The following METTL15 variants were observed in gnomAD, a reference collection of about 807,000 sequenced individuals.
METTL15 encodes the protein 12S rRNA N(4)-cytidine methyltransferase METTL15.
A neutral mutation model predicts 38.3 loss-of-function variants in METTL15; 34 were observed. The observed-to-expected ratio is 0.89, with a 90% confidence interval of 0.68 to 1.18. METTL15 has a LOEUF of 1.18. Ranked by LOEUF, METTL15 falls within the 50% of genes most tolerant of loss-of-function variation. The probability of loss-of-function intolerance (pLI) is 0.00; values close to 1 mark genes in which losing one functional copy is unlikely to be tolerated. For missense variants in METTL15, 438 were observed against 498.4 expected, an observed-to-expected ratio of 0.88 and a Z score of 1.15; for synonymous variants, 162 against 170.9, an observed-to-expected ratio of 0.95 and a Z score of 0.41.
chr11:28,128,691 T>C (rs1389788135), intron 3 of METTL15, among the ~76,000 whole-genome samples: 3 of 152,188 alleles, frequency 2.0e-5, no homozygotes, highest in Non-Finnish European at 2.9e-5. Context: ...CTTTGTAGAA[T>C]TCAGGGATAT....
chr11:28,331,793 T>C lies in METTL15; in HGVS notation c.*952T>C, dbSNP rs962550728. On this transcript the variant is annotated 3_prime_UTR_variant, in exon 7 of 7. Transcript: ENST00000407364. ...GATTGATTCATAATTCACATGTCAA[T>C]TTTTTATAGTAATATGTACTTCTAA... The C allele has an allele frequency of 1.3e-5, 2 of 152,242 alleles. No homozygotes were observed. The highest frequency in any genetic ancestry group is 4.8e-5 in the African/African-American group (2 of 41,478). The allele number at this position is 152,242 out of a possible 1,614,324, so 9.4% of individuals were successfully genotyped here.
At chr11:28,237,261 T>G (rs558945248) in intron 4 of METTL15, among the ~76,000 whole-genome samples, 29 of 152,330 alleles carry the variant, frequency 1.9e-4, no homozygotes, top group African/African-American at 6.7e-4. Flanking sequence ...GATTTGGTCT[T>G]TTCACATAGT....
At chr11:28,230,921 G>T (rs1398978722) in intron 4 of METTL15, among the ~76,000 whole-genome samples, 1 of 151,762 alleles carries the variant, frequency 6.6e-6, no homozygotes, top group Non-Finnish European at 1.5e-5. Flanking sequence ...TCAAGATAAG[G>T]CCTCTGTACC....
chr11:28,500,510 C>A (rs995206443), intron 6 of METTL15, among the ~76,000 whole-genome samples: 3 of 151,714 alleles, frequency 2.0e-5, no homozygotes, highest in Non-Finnish European at 4.4e-5. Flanking sequence ...TGTGCATATG[C>A]AATGTGAGCA....
intron 5 of METTL15, among the ~76,000 whole-genome samples, chr11:28,385,073 T>G (rs1850426544): frequency 6.6e-6 from 1 of 152,202 alleles, no homozygotes; most frequent in Non-Finnish European, 1.5e-5. Context: ...TTTGCAAATA[T>G]TTTCTTCCAT....
intron 4 of METTL15, among the ~76,000 whole-genome samples, chr11:28,219,734 G>A (rs1302027756): frequency 1.3e-5 from 2 of 152,068 alleles, no homozygotes; most frequent in South Asian, 2.1e-4. Flanking sequence ...TGCTTTAAAT[G>A]TGTCCCATAG....
intron 6 of METTL15, among the ~76,000 whole-genome samples, chr11:28,429,172 T>G (rs1850889909): frequency 6.6e-6 from 1 of 152,172 alleles, no homozygotes; most frequent in South Asian, 2.1e-4. Context: ...CTCTTCTCAA[T>G]TTTATTTTGC....
chr11:28,310,334 G>T (rs1857229871), intron 6 of METTL15, among the ~76,000 whole-genome samples: 1 of 150,218 alleles, frequency 6.7e-6, no homozygotes, highest in African/African-American at 2.5e-5. Context: ...CTAGAAAATG[G>T]AGGAAATGTT....
At position 28,330,574 on chromosome 11, in the gene METTL15, C is replaced by G. The variant is rs1340618458; in HGVS notation, c.957C>G (p.Leu319=). 1.2e-5 allele frequency: 18 copies of G among 1,551,482 alleles called. No homozygotes were observed. Among genetic ancestry groups the G allele is most frequent in the Non-Finnish European group, 1.5e-5 (17 of 1,146,922 alleles). Residue 319 remains leucine, a synonymous_variant, in exon 7 of 7, where the codon CTC becomes CTG. Transcript: ENST00000407364. The part of the protein sequence containing the change: ...FLRPGGRLVA[L]SFHSLEDRIV... ...GACCTGGTGGTCGTCTTGTTGCCCTCTCCTTCCATTCACTAGAGGATCGCA... is the reference window on the plus strand; with the variant it reads ...GACCTGGTGGTCGTCTTGTTGCCCTGTCCTTCCATTCACTAGAGGATCGCA...
chr11:28,225,672 T>G (rs1352883960), intron 4 of METTL15, among the ~76,000 whole-genome samples: 2 of 151,908 alleles, frequency 1.3e-5, no homozygotes. Context: ...TACTAAAAAA[T>G]ATTACTGGTT....
chr11:28,245,711 G>A lies in METTL15; in HGVS notation c.407+34513G>A, dbSNP rs139056016. Among the ~76,000 whole-genome samples the A allele has an allele frequency of 1.4e-4, 22 of 152,216 alleles. No homozygotes were observed. In the East Asian group the frequency reaches 4.3e-3, roughly 29 times the overall value. On this transcript the variant is annotated intron_variant, in intron 4 of 6. Coordinates refer to ENST00000407364, the MANE Select transcript of METTL15 (RefSeq NM_001113528.2). ...GTTTCATTGACTATCAGTTCCATAG[G>A]CTGTATAGGTAGCATGGCTGGGGAT...
At chr11:28,217,750 G>A (rs980638412) in intron 4 of METTL15, among the ~76,000 whole-genome samples, 1 of 152,168 alleles carries the variant, frequency 6.6e-6, no homozygotes, top group Admixed American at 6.5e-5. Context: ...GTGTAAGGAA[G>A]GGATCCAGTT....
chr11:28,190,250 G>A (rs975869301), intron 3 of METTL15, among the ~76,000 whole-genome samples: 2 of 151,064 alleles, frequency 1.3e-5, no homozygotes, highest in African/African-American at 4.8e-5. Context: ...TTAGAATATA[G>A]ATAAAATTCC....
rs572829754 is a variant in METTL15 at position 28,161,461 on chromosome 11, T to C, written c.270+47857T>C. Among the ~76,000 whole-genome samples the C allele has an allele frequency of 1.6e-4, 25 of 152,198 alleles. No individual in the cohort carries two copies. In the South Asian group the frequency reaches 2.1e-3, roughly 13 times the overall value. ...CATAAAGGGTACTAATTTGAAAGAA[T>C]TGATGTACAAATGGACACTAGAATA... On this transcript the variant is annotated intron_variant, in intron 3 of 6. Coordinates refer to ENST00000407364, the MANE Select transcript of METTL15 (RefSeq NM_001113528.2).
intron 4 of METTL15, among the ~76,000 whole-genome samples, chr11:28,286,985 C>CTA (rs941421368): frequency 6.8e-5 from 10 of 146,154 alleles, no homozygotes; most frequent in East Asian, 5.9e-4. Flanking sequence ...ACTCTCCACA[C>CTA]TATATATATA....
intron 4 of METTL15, among the ~76,000 whole-genome samples, chr11:28,282,046 G>T (rs575947012): frequency 6.6e-6 from 1 of 152,286 alleles, no homozygotes; most frequent in African/African-American, 2.4e-5. Flanking sequence ...AGTATTTCTT[G>T]AAGGGAAGGA....
At position 28,366,192 on chromosome 11, in the gene METTL15, T is replaced by TA. The variant is rs762913002; in HGVS notation, c.*358+4169dup. On this transcript the variant is annotated intron_variant and NMD_transcript_variant, in intron 5 of 7. Transcript: ENST00000532947. ...TGGGTTTAGTTCAGGGGTCCTTTTG[T>TA]AAAAAAAAAAAAATTATTAAGAACA... Among the ~76,000 whole-genome samples the TA allele has an allele frequency of 1.0e-3, 151 of 147,194 alleles. 1 individual carries two copies. In the South Asian group the frequency reaches 0.019, roughly 18 times the overall value.
intron 3 of METTL15, among the ~76,000 whole-genome samples, chr11:28,339,858 G>C (rs1849934603): frequency 6.6e-6 from 1 of 152,046 alleles, no homozygotes; most frequent in African/African-American, 2.4e-5. Context: ...AAAGTAGGGG[G>C]GAAAGGGGAA....
At chr11:28,449,638 G>A (rs1851103351) in intron 6 of METTL15, among the ~76,000 whole-genome samples, 1 of 152,008 alleles carries the variant, frequency 6.6e-6, no homozygotes, top group Non-Finnish European at 1.5e-5. Context: ...CAAGTCACAG[G>A]CTAGCTAGCC....
Sources: allele counts gnomAD v4.1 joint callset (sites outside exome capture counted in the v4.1 genomes callset), GRCh38; gene constraint gnomAD v4.1.1; transcripts MANE v1.5; gene names NCBI Gene and HGNC (gene_info 2026-07-23, HGNC 2026-07-21).